CNPY1: variants seen among roughly 807,000 people sequenced by gnomAD.
The protein encoded by CNPY1 is canopy FGF signaling regulator 1.
CNPY1 carries 14 observed loss-of-function variants against 14.4 expected under a neutral mutation model. The observed-to-expected ratio is 0.97, with a 90% CI of 0.64 to 1.52. CNPY1 has a LOEUF of 1.52. Among genes scored for constraint, CNPY1 ranks in the 40% most tolerant of loss-of-function variants. The pLI, the probability that CNPY1 is intolerant of heterozygous loss-of-function variation, is 0.00. For synonymous variants in CNPY1, 43 were observed against 46.5 expected (o/e 0.92, Z 0.31); for missense variants, 129 against 131.5 (o/e 0.98, Z 0.09).
At chr7:155,532,227 G>C (rs1475490924) in intron 2 of CNPY1, among the ~76,000 whole-genome samples, 1 of 152,214 alleles carries the variant, frequency 6.6e-6, no homozygotes, top group Non-Finnish European at 1.5e-5. Context: ...GCTCACAGAA[G>C]AGAGCTGTGT....
chr7:155,507,408 G>C (rs1034322462), intron 3 of CNPY1, among the ~76,000 whole-genome samples: 2 of 138,014 alleles, frequency 1.4e-5, no homozygotes, highest in African/African-American at 5.6e-5. Context: ...AAATCGGACT[G>C]GAAGTCATAG....
intron 2 of CNPY1, among the ~76,000 whole-genome samples, chr7:155,519,140 C>A (rs1796672838): frequency 6.6e-6 from 1 of 152,112 alleles, no homozygotes; most frequent in South Asian, 2.1e-4. Flanking sequence ...GCCACCACAC[C>A]CCAGGGGCCG....
At chr7:155,532,136 TAGAG>T (rs1214047651) in intron 2 of CNPY1, among the ~76,000 whole-genome samples, 1 of 152,240 alleles carries the variant, frequency 6.6e-6, no homozygotes, top group Non-Finnish European at 1.5e-5. Context: ...TACTAACATT[TAGAG>T]AGGAAATATT....
At chr7:155,539,051 C>T (rs1163747893) in intron 2 of CNPY1, among the ~76,000 whole-genome samples, 2 of 152,178 alleles carry the variant, frequency 1.3e-5, no homozygotes, top group Non-Finnish European at 2.9e-5. Flanking sequence ...TTTGTCGCTC[C>T]CCACCCCACC....
At chr7:155,521,402 C>T (rs933809843) in intron 2 of CNPY1, among the ~76,000 whole-genome samples, 2 of 152,338 alleles carry the variant, frequency 1.3e-5, no homozygotes, top group African/African-American at 4.8e-5. Context: ...GTCTAGTGCA[C>T]GCCATGAAGC....
intron 2 of CNPY1, among the ~76,000 whole-genome samples, chr7:155,515,414 G>A (rs1796602666): frequency 6.6e-6 from 1 of 152,028 alleles, no homozygotes; most frequent in African/African-American, 2.4e-5. Flanking sequence ...AGCCACACCT[G>A]GAGAGCTGCT....
chr7:155,539,630 A>C (rs759740141), intron 2 of CNPY1, among the ~76,000 whole-genome samples: 1 of 152,304 alleles, frequency 6.6e-6, no homozygotes, highest in South Asian at 2.1e-4. Context: ...GCAGAGGGAA[A>C]GCTTCCCTTC....
At chr7:155,508,778 C>T (rs1264613419) in intron 3 of CNPY1, 116 bp downstream of exon 3, 3 of 1,091,632 alleles carry the variant, frequency 2.7e-6, no homozygotes, top group African/African-American at 3.2e-5. Flanking sequence ...TTTTAATGTG[C>T]ATTTTGATGT....
At chr7:155,522,028 C>T (rs948237703) in intron 2 of CNPY1, among the ~76,000 whole-genome samples, 26 of 152,236 alleles carry the variant, frequency 1.7e-4, no homozygotes, top group Admixed American at 1.4e-3. Context: ...TGGGCACAAC[C>T]GAGGTTCCTC....
intron 2 of CNPY1, among the ~76,000 whole-genome samples, chr7:155,534,466 C>T (rs1216091080): frequency 1.3e-5 from 2 of 152,254 alleles, no homozygotes; most frequent in Non-Finnish European, 2.9e-5. Flanking sequence ...CACACACACT[C>T]GATGCGAACA....
chr7:155,517,791 T>C lies in CNPY1; in HGVS notation c.100-8694A>G, dbSNP rs150298112. 3.9e-5 allele frequency among the ~76,000 whole-genome samples: 6 copies of C among 152,326 alleles called. No individual in the cohort carries two copies. The East Asian group carries it at 1.2e-3, about 29-fold the overall frequency. On this transcript the variant is annotated intron_variant, in intron 2 of 4. Transcript: ENST00000636446. ...CCACACATCTTCTTGTCTTCTAGCA[T>C]CCTCCTCTGTAGAACCAGGGCGATG...
intron 2 of CNPY1, among the ~76,000 whole-genome samples, chr7:155,530,176 C>G (rs1796911773): frequency 6.6e-6 from 1 of 152,124 alleles, no homozygotes; most frequent in Admixed American, 6.5e-5. Context: ...CCACAACCAC[C>G]TTAGCCTCTT....
chr7:155,520,382 A>C, intron 2 of CNPY1, among the ~76,000 whole-genome samples: 1 of 141,168 alleles, frequency 7.1e-6, no homozygotes. Context: ...GCCTGCTGGG[A>C]GTGGCCACCA....
chr7:155,531,412 G>A (rs1166975999), intron 2 of CNPY1, among the ~76,000 whole-genome samples: 1 of 152,206 alleles, frequency 6.6e-6, no homozygotes, highest in African/African-American at 2.4e-5. Flanking sequence ...GGCTAGCCAC[G>A]ACATTTAAGT....
rs191025325 is a variant in CNPY1, at chr7:155,506,767, C to A, written c.400+253G>T. On this transcript the variant is annotated intron_variant, in intron 4 of 4. Coordinates refer to ENST00000636446, the MANE Select transcript of CNPY1 (RefSeq NM_001393663.1). The stretch of plus-strand genomic sequence containing the variant: ...AAGAATTTTCTCCTTAACTGGAAAT[C>A]AAGAATGTTTGAATTCACTTAATAT... The A allele has an allele frequency of 3.8e-5, 16 of 416,196 alleles. No individual in the cohort carries two copies. The East Asian group carries it at 8.8e-4, about 23-fold the overall frequency. 25.8% of individuals were successfully genotyped at this position (416,196 alleles called of 1,614,324 possible).
intron 2 of CNPY1, among the ~76,000 whole-genome samples, chr7:155,525,567 TCTC>T (rs141405433): frequency 0.24 from 36,319 of 152,046 alleles, 5,137 homozygotes; most frequent in Middle Eastern, 0.31. Flanking sequence ...TGTAATATAT[TCTC>T]CTACAGATTT....
At chr7:155,506,790 T>C (rs369413501) in intron 4 of CNPY1, 93 of 485,990 alleles carry the variant, frequency 1.9e-4, no homozygotes, top group African/African-American at 1.8e-3. Flanking sequence ...ATTCACTTAA[T>C]ATATAGAGGA....
At chr7:155,546,207 G>A (rs1467098740) in intron 1 of CNPY1, among the ~76,000 whole-genome samples, 1 of 147,472 alleles carries the variant, frequency 6.8e-6, no homozygotes, top group Admixed American at 6.8e-5. Flanking sequence ...TTTTTTTTGA[G>A]ACAGGGTCTC....
chr7:155,523,938 G>A (rs1438755116), intron 2 of CNPY1, among the ~76,000 whole-genome samples: 1 of 152,154 alleles, frequency 6.6e-6, no homozygotes, highest in African/African-American at 2.4e-5. Flanking sequence ...AGAGGCTGGG[G>A]TGATAGATCT....
Sources: allele counts gnomAD v4.1 joint callset (sites outside exome capture counted in the v4.1 genomes callset), GRCh38; gene constraint gnomAD v4.1.1; transcripts MANE v1.5; gene names NCBI Gene and HGNC (gene_info 2026-07-23, HGNC 2026-07-21).